The following DHRS2 variants were observed in gnomAD, a reference collection of about 807,000 sequenced individuals.
The protein encoded by DHRS2 is dehydrogenase/reductase 2, also known as dehydrogenase/reductase SDR family member 2, mitochondrial.
Under a neutral mutation model 26.3 loss-of-function variants are expected in DHRS2, and 29 were observed. That is an observed-to-expected ratio of 1.10 (90% confidence interval 0.82 to 1.50). The LOEUF is 1.50. Among genes scored for constraint, DHRS2 ranks in the 40% most tolerant of loss-of-function variants. The probability of loss-of-function intolerance (pLI) is 0.00; values close to 1 mark genes in which losing one functional copy is unlikely to be tolerated. For synonymous variants in DHRS2, 164 were observed against 151.3 expected, an observed-to-expected ratio of 1.08 and a Z score of -0.62; for missense variants, 439 against 367.1, an observed-to-expected ratio of 1.20 and a Z score of -1.60.
chr14:23,641,654 C>T, intron 4 of DHRS2: 1 of 1,289,828 alleles, frequency 7.8e-7, no homozygotes, highest in Non-Finnish European at 1.0e-6. Flanking sequence ...ATCCTCAATT[C>T]CTTCTTATTA....
In DHRS2 at chr14:23,644,178, T is replaced by C. The variant is rs749211457; in HGVS notation, c.540+16T>C. Reference sequence around the variant, plus strand: ...TCCAGTAGTGGTAAGTGCTTGGTCCTTGTGCTCCTGAGTGGTATAGGGTGA... The same window carrying C: ...TCCAGTAGTGGTAAGTGCTTGGTCCCTGTGCTCCTGAGTGGTATAGGGTGA... On this transcript the variant is annotated intron_variant, in intron 6 of 8. Coordinates refer to ENST00000250383, the MANE Select transcript of DHRS2 (RefSeq NM_005794.4). 3.7e-6 allele frequency: 6 copies of C among 1,614,042 alleles called. No homozygotes were observed. In the South Asian group the frequency reaches 4.4e-5, roughly 12 times the overall value.
intron 5 of DHRS2, 22 bp from the exon 6 acceptor site, chr14:23,644,089 T>A: frequency 6.2e-7 from 1 of 1,613,710 alleles, no homozygotes; most frequent in Non-Finnish European, 8.5e-7. Flanking sequence ...CTTCAGCTTC[T>A]CTTATGTTTG....
intron 7 of DHRS2, 71 bp from the exon 8 acceptor site, chr14:23,644,756 G>C: frequency 6.4e-7 from 1 of 1,565,494 alleles, no homozygotes; most frequent in South Asian, 1.1e-5. Context: ...TGTTCTGCCT[G>C]GTGGCCTTCC....
chr14:23,639,416 T>A (rs534138708), intron 3 of DHRS2, 60 bp downstream of exon 3: 1 of 1,493,990 alleles, frequency 6.7e-7, no homozygotes, highest in South Asian at 1.4e-5. Context: ...TTTCCTTCAC[T>A]GCTTGGCCCT....
rs1168893758 is a variant in DHRS2 at position 23,638,864 on chromosome 14, T to C, written c.-1T>C. 1 of 1,613,610 alleles carries C rather than the reference T, an allele frequency of 6.2e-7. No homozygotes were observed. The highest frequency in any genetic ancestry group is 8.5e-7 in the Non-Finnish European group (1 of 1,179,726). On this transcript the variant is annotated 5_prime_UTR_variant, in exon 2 of 9. Transcript: ENST00000250383. ...AGGAAGCATCTCAGACACCAACCACTATGCTGTCAGCAGTTGCCCGGGGCT... is the reference window on the plus strand; with the variant it reads ...AGGAAGCATCTCAGACACCAACCACCATGCTGTCAGCAGTTGCCCGGGGCT...
At position 23,636,927 on chromosome 14, in the gene DHRS2, C is replaced by CTT. The variant is rs138641729; in HGVS notation, c.-39+156_-39+157insTT. 7.2e-4 allele frequency among the ~76,000 whole-genome samples: 109 copies of CTT among 152,304 alleles called. 2 individuals carry two copies. The East Asian group carries it at 0.018, about 26-fold the overall frequency. ...GTCAGGCTTTCTGGGAAAGGGATCT[C>CTT]TAACAACCCCTGGCTCTGTGGAGTT... On this transcript the variant is annotated intron_variant, in intron 1 of 8. Transcript: ENST00000250383.
chr14:23,630,924 G>A (rs1890101641), intron 1 of DHRS2, among the ~76,000 whole-genome samples: 1 of 151,114 alleles, frequency 6.6e-6, no homozygotes, highest in African/African-American at 2.5e-5. Context: ...AAGGGGAGTT[G>A]TGGGAGCCAA....
At chr14:23,630,782 G>T (rs61977728) in intron 1 of DHRS2, among the ~76,000 whole-genome samples, 112 of 152,294 alleles carry the variant, frequency 7.4e-4, no homozygotes, top group Admixed American at 2.6e-3. Context: ...GCCCAGAAAG[G>T]CAGGACATCT....
At chr14:23,637,165 T>C (rs1890348669) in intron 1 of DHRS2, among the ~76,000 whole-genome samples, 1 of 152,196 alleles carries the variant, frequency 6.6e-6, no homozygotes, top group Non-Finnish European at 1.5e-5. Flanking sequence ...TGGGTCCTAA[T>C]GCCTGCCAGA....
chr14:23,632,211 G>C (rs753798311), upstream of DHRS2, among the ~76,000 whole-genome samples: 5 of 152,318 alleles, frequency 3.3e-5, no homozygotes, highest in Non-Finnish European at 5.9e-5. Flanking sequence ...ACCTCAAAAG[G>C]GGGTTAATCT....
At chr14:23,636,249 A>C (rs1181664486), upstream of DHRS2, 1 of 152,178 alleles carries the variant, frequency 6.6e-6, no homozygotes, top group African/African-American at 2.4e-5. Flanking sequence ...TCTGTAAAAC[A>C]GACCAATCAG....
intron 3 of DHRS2, 77 bp from the exon 4 acceptor site, chr14:23,639,717 C>G: frequency 1.4e-6 from 2 of 1,437,650 alleles, no homozygotes; most frequent in South Asian, 2.9e-5. Flanking sequence ...TGCCTGAAGG[C>G]CTTATGACCT....
chr14:23,643,935 G>A (rs922929813), intron 5 of DHRS2, 176 bp from the exon 6 acceptor site: 43 of 649,110 alleles, frequency 6.6e-5, no homozygotes, highest in Non-Finnish European at 9.5e-5. Context: ...TAGCTCTGCC[G>A]TGTATTGGCT....
chr14:23,638,896 G>A lies in DHRS2; in HGVS notation c.32G>A (p.Gly11Asp). 6.2e-7 allele frequency: 1 copy of A among 1,614,178 alleles called. No individual in the cohort carries two copies. Among genetic ancestry groups the A allele is most frequent in the Non-Finnish European group, 8.5e-7 (1 of 1,180,020 alleles). The change falls in exon 2 of 9, where the codon GGC (glycine) becomes GAC (aspartate). Residue 11 changes from glycine to aspartate, a missense_variant. By Grantham distance (94) the Gly-to-Asp change is moderately conservative. Transcript: ENST00000250383. Reference sequence around the variant, plus strand: ...TCAGCAGTTGCCCGGGGCTACCAGGGCTGGTTTCATCCCTGTGCTAGGCTT... The same window carrying A: ...TCAGCAGTTGCCCGGGGCTACCAGGACTGGTTTCATCCCTGTGCTAGGCTT... MLSAVARGYQ[G>D]WFHPCARLSV...
At chr14:23,630,896 T>C (rs1157083716) in intron 1 of DHRS2, among the ~76,000 whole-genome samples, 1 of 152,162 alleles carries the variant, frequency 6.6e-6, no homozygotes, top group Non-Finnish European at 1.5e-5. Flanking sequence ...AATAGAAAGA[T>C]ATGTTTGTAG....
intron 4 of DHRS2, chr14:23,641,562 C>A: frequency 7.9e-7 from 1 of 1,267,790 alleles, no homozygotes; most frequent in South Asian, 1.3e-5. Context: ...CTCACTCAGC[C>A]TGATGCACAT....
At chr14:23,642,172 T>C (rs1003846632) in intron 4 of DHRS2, 91 of 1,024,168 alleles carry the variant, frequency 8.9e-5, no homozygotes, top group Non-Finnish European at 1.1e-4. Context: ...CCTGTTTGTA[T>C]TGGCTGCAGG....
At position 23,638,969 on chromosome 14, in the gene DHRS2, T is replaced by C. The variant is rs376761935; in HGVS notation, c.105T>C (p.Ala35=). The change falls in exon 2 of 9, where the codon GCT becomes GCC. Residue 35 remains alanine, a synonymous_variant. Transcript: ENST00000250383. ...STGIDRKGVL[A]NRVAVVTGST... is the part of the protein sequence containing the mutation. The stretch of plus-strand genomic sequence containing the variant: ...GGATAGACAGGAAGGGCGTCCTGGC[T>C]AACCGGGTAGCCGTGGTCACGGGGT... 1.8e-4 allele frequency: 284 copies of C among 1,613,890 alleles called. No individual in the cohort carries two copies. The highest frequency in any genetic ancestry group is 2.2e-4 in the Non-Finnish European group (264 of 1,180,038).
Position 23,644,415 on chromosome 14 carries a change from G to C in DHRS2, c.547G>C (p.Gly183Arg). ...CTGTCAATTCCCTTCCCAGGCGCTG[G>C]GTGTCTACAATGTCAGCAAGACAGC... ...IAAYNPVVAL[G>R]VYNVSKTALL... Residue 183 changes from glycine (G) to arginine (R), a missense_variant, in exon 7 of 9, where the codon GGT becomes CGT. Coordinates refer to ENST00000250383, the MANE Select transcript of DHRS2 (RefSeq NM_005794.4). 6.2e-7 allele frequency: 1 copy of C among 1,614,096 alleles called. No individual in the cohort carries two copies. The highest frequency in any genetic ancestry group is 8.5e-7 in the Non-Finnish European group (1 of 1,180,020).
Sources: allele counts gnomAD v4.1 joint callset (sites outside exome capture counted in the v4.1 genomes callset), GRCh38; gene constraint gnomAD v4.1.1; transcripts MANE v1.5; gene names NCBI Gene and HGNC (gene_info 2026-07-23, HGNC 2026-07-21).